The following ELF2 variants were observed in gnomAD, a reference collection of about 807,000 sequenced individuals.
ELF2 encodes ETS-related transcription factor Elf-2.
ELF2 carries 11 observed loss-of-function variants against 54.8 expected under a neutral mutation model. The observed-to-expected ratio is 0.20, with a 90% CI of 0.13 to 0.33. ELF2 has a LOEUF of 0.33. Ranked by LOEUF, ELF2 falls within the 10% of genes least tolerant of loss-of-function variation. The pLI is 1.00. For missense variants in ELF2, 513 were observed against 703.0 expected (o/e 0.73, Z 3.06); for synonymous variants, 203 against 245.1 (o/e 0.83, Z 1.61).
chr4:139,142,018 C>A (rs1194363810), intron 1 of ELF2, among the ~76,000 whole-genome samples: 2 of 152,114 alleles, frequency 1.3e-5, no homozygotes, highest in Non-Finnish European at 2.9e-5. Context: ...TATATGATAG[C>A]ACAATTTTAG....
Position 139,060,324 on chromosome 4 carries a change from C to T in ELF2, c.1157G>A (p.Arg386Lys). ...GTAACTAATGGTTTGCTTCACTTAC[C>T]TTGGAGCTGCTGTTGCTGACACAGA... Reference protein sequence around the residue: ...TASVSATAAPRTVRVAMQVPV... With the variant: ...TASVSATAAPKTVRVAMQVPV... The change falls in exon 9 of 10, where the codon AGG becomes AAG. Residue 386 changes from arginine (R) to lysine (K), a missense_variant and splice_region_variant. Physicochemically the swap from Arg to Lys is conservative, Grantham distance 26. This residue lies in a region of ELF2 where 291 missense variants were observed against 366.1 expected (regional missense o/e 0.79). Transcript: ENST00000686138. 6.3e-7 allele frequency: 1 copy of T among 1,590,266 alleles called. No individual in the cohort carries two copies. Among genetic ancestry groups the T allele is most frequent in the Non-Finnish European group, 8.6e-7 (1 of 1,168,920 alleles).
chr4:139,121,359 T>G (rs542705060), intron 4 of ELF2, among the ~76,000 whole-genome samples: 1 of 151,856 alleles, frequency 6.6e-6, no homozygotes, highest in Non-Finnish European at 1.5e-5. Context: ...TCACCCGCCT[T>G]GGCCTCCGAA....
chr4:139,144,563 G>T (rs1481253071), intron 1 of ELF2, among the ~76,000 whole-genome samples: 2 of 152,234 alleles, frequency 1.3e-5, no homozygotes, highest in Non-Finnish European at 2.9e-5. Context: ...GGGTGCTCTG[G>T]CATTGCCAGT....
At chr4:139,122,766 G>A (rs1439009864) in intron 4 of ELF2, among the ~76,000 whole-genome samples, 9 of 151,666 alleles carry the variant, frequency 5.9e-5, no homozygotes, top group Non-Finnish European at 1.0e-4. Flanking sequence ...CTCCCAAAGT[G>A]CTGGGATCAC....
intron 4 of ELF2, among the ~76,000 whole-genome samples, chr4:139,124,310 G>A (rs1290193428): frequency 6.6e-6 from 1 of 152,184 alleles, no homozygotes; most frequent in Non-Finnish European, 1.5e-5. Flanking sequence ...AGGAAGAACA[G>A]TTTTATGCTG....
At chr4:139,063,738 C>T (rs1728233804) in intron 7 of ELF2, among the ~76,000 whole-genome samples, 1 of 151,944 alleles carries the variant, frequency 6.6e-6, no homozygotes, top group Admixed American at 6.6e-5. Context: ...TCCAAATAAT[C>T]TAGAAAATAT....
chr4:139,149,818 C>T (rs551339394), intron 1 of ELF2, among the ~76,000 whole-genome samples: 2 of 152,208 alleles, frequency 1.3e-5, no homozygotes, highest in East Asian at 3.9e-4. Flanking sequence ...CAATTCTCAC[C>T]AAATTAATCT....
chr4:139,125,209 C>G lies in ELF2; in HGVS notation c.193G>C (p.Asp65His), dbSNP rs1224773648. 1 of 1,613,320 alleles carries G rather than the reference C, an allele frequency of 6.2e-7. No individual in the cohort carries two copies. Among genetic ancestry groups the G allele is most frequent in the East Asian group, 2.2e-5 (1 of 44,844 alleles). The stretch of plus-strand genomic sequence containing the variant: ...TCAACTTCTTGTTCTTCTGCCACAT[C>G]TTGCATCATATAAGTCTCATCATCA... ...VYDDETYMMQ[D>H]VAEEQEVETE... The change falls in exon 4 of 10, where the codon GAT becomes CAT. Residue 65 changes from aspartate (D) to histidine (H), a missense_variant. Coordinates refer to ENST00000686138, the MANE Select transcript of ELF2 (RefSeq NM_001331036.3).
intron 4 of ELF2, among the ~76,000 whole-genome samples, chr4:139,078,857 A>T (rs1241691880): frequency 1.3e-5 from 2 of 152,200 alleles, no homozygotes; most frequent in African/African-American, 4.8e-5. Flanking sequence ...GAAATTACAA[A>T]GAAAACTTCA....
intron 4 of ELF2, among the ~76,000 whole-genome samples, chr4:139,108,062 C>T (rs969202400): frequency 6.6e-6 from 1 of 151,816 alleles, no homozygotes; most frequent in Non-Finnish European, 1.5e-5. Context: ...ATAATTAATA[C>T]AAGGGCTTTA....
rs1441126285 is a variant in ELF2 at position 139,060,314 on chromosome 4, C to T, written c.1157+10G>A. ...TAAATACATTGTAACTAATGGTTTG[C>T]TTCACTTACCTTGGAGCTGCTGTTG... On this transcript the variant is annotated intron_variant, in intron 9 of 9. Transcript: ENST00000686138. 6 of 1,573,714 alleles carry T rather than the reference C, an allele frequency of 3.8e-6. No individual in the cohort carries two copies. Among genetic ancestry groups the T allele is most frequent in the East Asian group, 2.2e-5 (1 of 44,516 alleles).
intron 3 of ELF2, among the ~76,000 whole-genome samples, chr4:139,135,432 T>C (rs1738053180): frequency 6.6e-6 from 1 of 152,028 alleles, no homozygotes; most frequent in African/African-American, 2.4e-5. Flanking sequence ...CCCCTAGATA[T>C]TTATATTGCC....
chr4:139,142,726 T>A (rs1398305906), intron 1 of ELF2, among the ~76,000 whole-genome samples: 1 of 151,594 alleles, frequency 6.6e-6, no homozygotes, highest in African/African-American at 2.4e-5. Context: ...GTTCTGGAGG[T>A]AGTGAAAAAG....
chr4:139,105,263 T>C (rs1000257941), intron 4 of ELF2, among the ~76,000 whole-genome samples: 2 of 152,356 alleles, frequency 1.3e-5, no homozygotes, highest in African/African-American at 2.4e-5. Context: ...GTAATTTTAC[T>C]GTAGTGCAAA....
At chr4:139,079,198 G>A (rs1399768521) in intron 4 of ELF2, among the ~76,000 whole-genome samples, 2 of 152,010 alleles carry the variant, frequency 1.3e-5, no homozygotes, top group Admixed American at 6.6e-5. Flanking sequence ...CCAAAGTGCT[G>A]GGATTACAGG....
Position 139,164,414 on chromosome 4 carries a change from TCA to T in ELF2, c.-252+12551_-252+12552del, listed in dbSNP as rs1741520208. 5.9e-5 allele frequency among the ~76,000 whole-genome samples: 9 copies of T among 152,198 alleles called. No homozygotes were observed. In the South Asian group the frequency reaches 1.9e-3, roughly 32 times the overall value. On this transcript the variant is annotated intron_variant, in intron 1 of 9. Coordinates refer to ENST00000686138, the MANE Select transcript of ELF2 (RefSeq NM_001331036.3). ...ACTTTGGGAGGCGGAGGCGGGTGGA[TCA>T]CCTGAGGTCAGGAGTTCGAGACCAG...
Position 139,132,954 on chromosome 4 carries a change from C to T in ELF2, c.72+4676G>A, listed in dbSNP as rs558043799. Among the ~76,000 whole-genome samples the T allele has an allele frequency of 5.3e-5, 8 of 150,062 alleles. No individual in the cohort carries two copies. In the East Asian group the frequency reaches 1.4e-3, roughly 26 times the overall value. Reference sequence around the variant, plus strand: ...GTCCCCAGGCTGGAGTGCAGTGGCGCAATCTCTGCTCACTGTAAGCTCCGC... The same window carrying T: ...GTCCCCAGGCTGGAGTGCAGTGGCGTAATCTCTGCTCACTGTAAGCTCCGC... On this transcript the variant is annotated intron_variant, in intron 3 of 9. Transcript: ENST00000686138.
At chr4:139,140,249 A>G (rs1738574397) in intron 1 of ELF2, among the ~76,000 whole-genome samples, 1 of 152,206 alleles carries the variant, frequency 6.6e-6, no homozygotes, top group Non-Finnish European at 1.5e-5. Context: ...CCAACTTAGC[A>G]TCAGCACCCA....
In ELF2 at chr4:139,092,366, T is replaced by TCATAACATAA. The variant is rs1491419426; in HGVS notation, c.239-18800_239-18799insTTATGTTATG. Among the ~76,000 whole-genome samples the TCATAACATAA allele has an allele frequency of 6.7e-4, 33 of 49,090 alleles. 1 individual carries two copies. The highest frequency in any genetic ancestry group is 2.7e-3 in the Admixed American group (10 of 3,692). The allele number at this position is 49,090 out of a possible 152,430, so 32.2% of individuals were successfully genotyped here. A position where few individuals can be genotyped will look rare whatever the true frequency, so the allele number is the denominator to read the frequency against. ...ACAGAGTGACACTCCATCTCAGAAA[T>TCATAACATAA]CATAACGTAACATAACATAACATAA... On this transcript the variant is annotated intron_variant, in intron 4 of 9. Coordinates refer to ENST00000686138, the MANE Select transcript of ELF2 (RefSeq NM_001331036.3).
Sources: gnomAD v4.1 joint callset for allele counts (sites outside exome capture counted in the v4.1 genomes callset) on GRCh38, gnomAD v4.1.1 for gene constraint, gnomAD v4.1.1 regional missense constraint, MANE v1.5 for transcripts, NCBI Gene and HGNC (gene_info 2026-07-23, HGNC 2026-07-21) for gene names.